ABCC1: variants seen among roughly 807,000 people sequenced by gnomAD.
ABCC1 encodes multidrug resistance-associated protein 1.
In ABCC1, 83 loss-of-function variants were observed where a neutral mutation model predicts 172.9. The ratio of observed to expected loss-of-function variants is 0.48; its 90% CI spans 0.40 to 0.58. The LOEUF is 0.58. ABCC1 is among the 20% of genes least tolerant of loss of function. ABCC1 has a pLI of 0.00. For synonymous variants in ABCC1, 937 were observed against 825.2 expected (o/e 1.14, Z -2.32); for missense variants, 1,817 against 2,002.7 (o/e 0.91, Z 1.77).
In ABCC1 at chr16:16,141,656, C is replaced by T. The variant is rs897539789; in HGVS notation, c.*375C>T. ...TATAGAAGATCCTAGTGACCAAATT[C>T]AGCCTACTGCCTCGGATCTCTCCAG... On this transcript the variant is annotated 3_prime_UTR_variant, in exon 31 of 31. Coordinates refer to ENST00000399410, the MANE Select transcript of ABCC1 (RefSeq NM_004996.4). The T allele has an allele frequency of 2.2e-5, 5 of 223,112 alleles. No homozygotes were observed. The highest frequency in any genetic ancestry group is 9.1e-5 in the African/African-American group (4 of 43,966). 13.8% of individuals were successfully genotyped at this position (223,112 alleles called of 1,614,324 possible).
intron 15 of ABCC1, among the ~76,000 whole-genome samples, chr16:16,078,605 C>G (rs1451678585): frequency 6.6e-6 from 1 of 152,176 alleles, no homozygotes; most frequent in Non-Finnish European, 1.5e-5. Flanking sequence ...TGTGCCTTCA[C>G]CCCTTTACAC....
intron 1 of ABCC1, among the ~76,000 whole-genome samples, chr16:15,961,457 C>T (rs2046129726): frequency 6.6e-6 from 1 of 152,136 alleles, no homozygotes; most frequent in South Asian, 2.1e-4. Context: ...GGTGAATATT[C>T]TAGAAGAATA....
intron 1 of ABCC1, among the ~76,000 whole-genome samples, chr16:15,995,127 G>A (rs1049949882): frequency 1.1e-4 from 16 of 151,724 alleles, no homozygotes; most frequent in Non-Finnish European, 1.0e-4. Flanking sequence ...GCGAAACTCC[G>A]TCTCAAAAAA....
At chr16:16,118,802 T>G (rs752957556) in intron 23 of ABCC1, among the ~76,000 whole-genome samples, 16 of 150,352 alleles carry the variant, frequency 1.1e-4, no homozygotes, top group Admixed American at 2.0e-4. Context: ...GTTGAGATTA[T>G]AGAATAGTTA....
intron 19 of ABCC1, among the ~76,000 whole-genome samples, chr16:16,091,799 A>G (rs906985176): frequency 9.9e-5 from 15 of 152,158 alleles, no homozygotes; most frequent in Admixed American, 2.0e-4. Context: ...AGAGAGGCAA[A>G]GTGACCAGCC....
Position 16,052,727 on chromosome 16 carries a change from C to T in ABCC1, c.1384C>T (p.Leu462=), listed in dbSNP as rs1210082690. 1 of 1,614,112 alleles carries T rather than the reference C, an allele frequency of 6.2e-7. No individual in the cohort carries two copies. ...ILALYLLWLN[L]GPSVLAGVAV... is the part of the protein sequence containing the mutation. ...AGAGTCTCCTTTCCTTCCTTAGAATCTGGGCCCTTCCGTCCTGGCTGGAGT... is the reference window on the plus strand; with the variant it reads ...AGAGTCTCCTTTCCTTCCTTAGAATTTGGGCCCTTCCGTCCTGGCTGGAGT... Residue 462 remains leucine, a synonymous_variant, in exon 11 of 31, where the codon CTG becomes TTG. Coordinates refer to ENST00000399410, the MANE Select transcript of ABCC1 (RefSeq NM_004996.4).
chr16:15,955,516 C>T (rs1403824485), intron 1 of ABCC1, among the ~76,000 whole-genome samples: 3 of 152,190 alleles, frequency 2.0e-5, no homozygotes, highest in Non-Finnish European at 2.9e-5. Context: ...GGCTGGGCAG[C>T]ATCTGTCCCC....
intron 2 of ABCC1, among the ~76,000 whole-genome samples, chr16:16,008,662 T>C (rs1197491138): frequency 6.6e-6 from 1 of 151,738 alleles, no homozygotes; most frequent in East Asian, 2.0e-4. Context: ...CTGACCAACA[T>C]GGTGAACCTG....
In ABCC1 at chr16:16,102,851, C is replaced by A. The variant is rs1355713048; in HGVS notation, c.2735+134C>A. On this transcript the variant is annotated intron_variant, in intron 20 of 30. Transcript: ENST00000399410. ...GCTTTTACCTTCCCTCCCAAATCCT[C>A]CAAGGACCTTGCTTTTCAGAGTACA... is the stretch of plus-strand genomic sequence containing the variant. 7 of 799,812 alleles carry A rather than the reference C, an allele frequency of 8.8e-6. No homozygotes were observed. In the African/African-American group the frequency reaches 1.0e-4, roughly 12 times the overall value. The allele number at this position is 799,812 out of a possible 1,614,324, so 49.5% of individuals were successfully genotyped here. A position where few individuals can be genotyped will look rare whatever the true frequency, so the allele number is the denominator to read the frequency against.
chr16:16,130,856 C>CT (rs2045647315), intron 26 of ABCC1, among the ~76,000 whole-genome samples: 2 of 152,292 alleles, frequency 1.3e-5, no homozygotes, highest in South Asian at 4.1e-4. Context: ...GGCATGGTGG[C>CT]TCACGCCTGT....
intron 1 of ABCC1, among the ~76,000 whole-genome samples, chr16:16,005,350 T>G (rs986519707): frequency 3.0e-5 from 1 of 33,418 alleles, no homozygotes; most frequent in African/African-American, 7.3e-5. Context: ...GATTTTCTGA[T>G]TTTTTTTTTT....
At chr16:15,984,510 G>A (rs560338371) in intron 1 of ABCC1, among the ~76,000 whole-genome samples, 12 of 147,628 alleles carry the variant, frequency 8.1e-5, no homozygotes, top group East Asian at 6.0e-4. Flanking sequence ...TGGCGTGATC[G>A]TGGCTCACTG....
At chr16:16,032,435 A>G (rs1047605044) in intron 5 of ABCC1, among the ~76,000 whole-genome samples, 1 of 152,234 alleles carries the variant, frequency 6.6e-6, no homozygotes, top group Non-Finnish European at 1.5e-5. Context: ...GCAGTAGACC[A>G]CAAGCTCCAT....
intron 5 of ABCC1, among the ~76,000 whole-genome samples, chr16:16,019,863 T>G (rs1284718297): frequency 6.6e-6 from 1 of 152,134 alleles, no homozygotes; most frequent in African/African-American, 2.4e-5. Flanking sequence ...GTTTTCTGTT[T>G]CTGTGTCATC....
intron 1 of ABCC1, among the ~76,000 whole-genome samples, chr16:15,986,912 C>T (rs192643456): frequency 1.1e-4 from 17 of 152,278 alleles, no homozygotes; most frequent in African/African-American, 2.2e-4. Flanking sequence ...CAGTGGCTCA[C>T]GCCTGTAATC....
chr16:16,006,410 C>T (rs553151780), intron 1 of ABCC1, among the ~76,000 whole-genome samples: 1 of 142,648 alleles, frequency 7.0e-6, no homozygotes, highest in African/African-American at 2.6e-5. Context: ...AGAGCAAGAC[C>T]TCATTTCAAA....
chr16:16,007,690 G>C, intron 1 of ABCC1, 126 bp from the exon 2 acceptor site: 1 of 849,512 alleles, frequency 1.2e-6, no homozygotes, highest in South Asian at 2.0e-5. Flanking sequence ...ATCCTGAAAG[G>C]TCCTTGGATA....
At chr16:15,999,620 G>GAAA (rs112970544) in intron 1 of ABCC1, among the ~76,000 whole-genome samples, 1 of 141,504 alleles carries the variant, frequency 7.1e-6, no homozygotes, top group Non-Finnish European at 1.6e-5. Flanking sequence ...CGTCTCAAAA[G>GAAA]AAAAAAAAAA....
chr16:15,956,545 G>A (rs897909764), intron 1 of ABCC1, among the ~76,000 whole-genome samples: 2 of 151,872 alleles, frequency 1.3e-5, no homozygotes, highest in African/African-American at 4.8e-5. Flanking sequence ...CTGTGTTGCC[G>A]AGGCTGGTCT....
Sources: gnomAD v4.1 joint callset for allele counts (sites outside exome capture counted in the v4.1 genomes callset) on GRCh38, gnomAD v4.1.1 for gene constraint, MANE v1.5 for transcripts, NCBI Gene and HGNC (gene_info 2026-07-23, HGNC 2026-07-21) for gene names.